MARCHF11: variants seen among roughly 807,000 people sequenced by gnomAD.
MARCHF11 encodes E3 ubiquitin-protein ligase MARCHF11.
Under a neutral mutation model 37.3 loss-of-function variants are expected in MARCHF11, and 29 were observed. The observed-to-expected ratio is 0.78, with a 90% CI of 0.58 to 1.06. The LOEUF (loss-of-function observed/expected upper bound fraction) is 1.06, where lower values mean the gene tolerates loss of function less well. Among genes scored for constraint, MARCHF11 ranks in the 50% least tolerant of loss-of-function variants. The probability of loss-of-function intolerance (pLI) is 0.00; values close to 1 mark genes in which losing one functional copy is unlikely to be tolerated. For missense variants in MARCHF11, 482 were observed against 533.4 expected, an observed-to-expected ratio of 0.90 and a Z score of 0.95; for synonymous variants, 233 against 228.0, an observed-to-expected ratio of 1.02 and a Z score of -0.20.
rs542987327 is a variant in MARCHF11, at chr5:16,123,569, C to T, written c.694-32488G>A. ...ATGGTTTTGAGATAGTCCTGTGTGG[C>T]CTTGTCACTGAACTCTTAAGAGTTT... On this transcript the variant is annotated intron_variant, in intron 2 of 3. Coordinates refer to ENST00000332432, the MANE Select transcript of MARCHF11 (RefSeq NM_001102562.3). 2.6e-5 allele frequency among the ~76,000 whole-genome samples: 4 copies of T among 152,214 alleles called. No homozygotes were observed. The East Asian group carries it at 7.7e-4, about 29-fold the overall frequency.
At chr5:16,068,310 C>A (rs1736382708) in intron 3 of MARCHF11, among the ~76,000 whole-genome samples, 1 of 152,170 alleles carries the variant, frequency 6.6e-6, no homozygotes, top group Non-Finnish European at 1.5e-5. Context: ...TTGTACTCTC[C>A]TCAACAATTC....
Position 16,122,937 on chromosome 5 carries a change from G to A in MARCHF11, c.694-31856C>T, listed in dbSNP as rs114150158. 4.5e-3 allele frequency among the ~76,000 whole-genome samples: 686 copies of A among 152,212 alleles called. 1 individual carries two copies. Among genetic ancestry groups the A allele is most frequent in the Non-Finnish European group, 6.9e-3 (472 of 68,010 alleles). Reference sequence around the variant, plus strand: ...GGCTGGATTATACTATGTTAGTTTCGCATGTATTGCCCAGACAAGTCTTTC... The same window carrying A: ...GGCTGGATTATACTATGTTAGTTTCACATGTATTGCCCAGACAAGTCTTTC... On this transcript the variant is annotated intron_variant, in intron 2 of 3. Coordinates refer to ENST00000332432, the MANE Select transcript of MARCHF11 (RefSeq NM_001102562.3).
At chr5:16,144,963 T>C (rs927122387) in intron 2 of MARCHF11, among the ~76,000 whole-genome samples, 10 of 152,170 alleles carry the variant, frequency 6.6e-5, no homozygotes, top group Admixed American at 2.0e-4. Flanking sequence ...GTGGAGTTTG[T>C]GGGAAAATCA....
intron 2 of MARCHF11, among the ~76,000 whole-genome samples, chr5:16,097,249 T>C (rs552939368): frequency 9.8e-5 from 15 of 152,346 alleles, no homozygotes; most frequent in African/African-American, 3.6e-4. Flanking sequence ...GACATGTAGA[T>C]AGAAAATTCA....
intron 2 of MARCHF11, among the ~76,000 whole-genome samples, chr5:16,159,870 AGATGGCTTG>A (rs1738042099): frequency 1.3e-5 from 2 of 151,980 alleles, no homozygotes; most frequent in African/African-American, 4.8e-5. Flanking sequence ...CCCTCCAGCA[AGATGGCTTG>A]CCATTAGTAA....
At chr5:16,070,365 C>T (rs570758801) in intron 3 of MARCHF11, among the ~76,000 whole-genome samples, 39 of 152,186 alleles carry the variant, frequency 2.6e-4, no homozygotes, top group African/African-American at 7.0e-4. Flanking sequence ...TCTTCTGGGA[C>T]GGTAACTCTA....
chr5:16,161,912 A>G (rs1013218567), intron 2 of MARCHF11, among the ~76,000 whole-genome samples: 1 of 152,036 alleles, frequency 6.6e-6, no homozygotes. Flanking sequence ...AAAATAATCC[A>G]TCTCAGAAAC....
At chr5:16,136,001 G>C (rs1396611669) in intron 2 of MARCHF11, among the ~76,000 whole-genome samples, 4 of 152,020 alleles carry the variant, frequency 2.6e-5, no homozygotes, top group Non-Finnish European at 4.4e-5. Context: ...AGGAATAAAG[G>C]CATTCTGAAA....
Position 16,090,922 on chromosome 5 carries a change from C to A in MARCHF11, c.853G>T (p.Gly285Ter). The A allele has an allele frequency of 6.2e-7, 1 of 1,609,830 alleles. No individual in the cohort carries two copies. Reference protein sequence around the residue: ...RKDILFQICYGMYGFMDLVCI... With the variant: ...RKDILFQICY The stretch of plus-strand genomic sequence containing the variant: ...ACTAGATCCATAAAACCATACATTC[C>A]ATAGCAGATCTGAAAAAGGATGTCC... Residue 285 changes from glycine to a stop codon, truncating the protein, a stop_gained, in exon 3 of 4, where the codon GGA becomes TGA. Transcript: ENST00000332432. LOFTEE classifies it high-confidence loss of function.
intron 2 of MARCHF11, among the ~76,000 whole-genome samples, chr5:16,142,785 A>G (rs1737733587): frequency 1.5e-5 from 2 of 136,302 alleles, no homozygotes. Context: ...TCCGACTCCC[A>G]GGTTCAAGCG....
chr5:16,101,578 G>C (rs1366947077), intron 2 of MARCHF11, among the ~76,000 whole-genome samples: 1 of 152,132 alleles, frequency 6.6e-6, no homozygotes, highest in Non-Finnish European at 1.5e-5. Flanking sequence ...GTCTGCATGT[G>C]ATGCATTTTT....
chr5:16,176,028 T>G (rs1360146716), intron 2 of MARCHF11, among the ~76,000 whole-genome samples: 3 of 152,216 alleles, frequency 2.0e-5, no homozygotes, highest in Non-Finnish European at 4.4e-5. Context: ...TATTGAATCT[T>G]TTTTAAATGA....
At position 16,067,640 on chromosome 5, in the gene MARCHF11, G is replaced by A; in HGVS notation, c.1040C>T (p.Pro347Leu). 1 of 1,613,940 alleles carries A rather than the reference G, an allele frequency of 6.2e-7. No individual in the cohort carries two copies. The highest frequency in any genetic ancestry group is 1.7e-5 in the Admixed American group (1 of 60,016). The change falls in exon 4 of 4, where the codon CCA becomes CTA. Residue 347 changes from proline to leucine, a missense_variant. By Grantham distance (98) the Pro-to-Leu change is moderately conservative. Coordinates refer to ENST00000332432, the MANE Select transcript of MARCHF11 (RefSeq NM_001102562.3). Reference protein sequence around the residue: ...ESSTSRTLWLPLTALRNRNLV... With the variant: ...ESSTSRTLWLLLTALRNRNLV... ...GTTTCTGTTCCGCAGAGCTGTCAAT[G>A]GCAACCACAAAGTCCTACTTGTGGA...
intron 2 of MARCHF11, among the ~76,000 whole-genome samples, chr5:16,093,333 C>A (rs541417995): frequency 2.1e-4 from 32 of 152,296 alleles, no homozygotes; most frequent in Admixed American, 4.6e-4. Flanking sequence ...TAGCTCAAAA[C>A]TGCATAATGA....
At chr5:16,129,873 C>T (rs114840359) in intron 2 of MARCHF11, among the ~76,000 whole-genome samples, 1,649 of 152,118 alleles carry the variant, frequency 0.011, 11 homozygotes, top group Non-Finnish European at 0.016. Context: ...AGATATGTTA[C>T]CAGAGCGAGG....
Position 16,177,775 on chromosome 5 carries a change from C to T in MARCHF11, c.644G>A (p.Cys215Tyr). 1 of 1,613,750 alleles carries T rather than the reference C, an allele frequency of 6.2e-7. No individual in the cohort carries two copies. The highest frequency in any genetic ancestry group is 8.5e-7 in the Non-Finnish European group (1 of 1,179,812). ...GGCTATAACATGGTATCTATAACAGCAAAGTTCACAGGTCCAGGAACCTCT... is the reference window on the plus strand; with the variant it reads ...GGCTATAACATGGTATCTATAACAGTAAAGTTCACAGGTCCAGGAACCTCT... ...SERGSWTCEL[C>Y]CYRYHVIAIK... Residue 215 changes from cysteine (C) to tyrosine (Y), a missense_variant, in exon 2 of 4, where the codon TGC becomes TAC. By Grantham distance (194) the Cys-to-Tyr change is radical. Coordinates refer to ENST00000332432, the MANE Select transcript of MARCHF11 (RefSeq NM_001102562.3).
In MARCHF11 at chr5:16,093,753, C is replaced by T. The variant is rs78156341; in HGVS notation, c.694-2672G>A. On this transcript the variant is annotated intron_variant, in intron 2 of 3. Coordinates refer to ENST00000332432, the MANE Select transcript of MARCHF11 (RefSeq NM_001102562.3). ...GAATGAATGTGTTTAAGATTATGTC[C>T]GGAGGCAAGGAAAAAAAGAACAACC... 4.9e-3 allele frequency among the ~76,000 whole-genome samples: 742 copies of T among 152,148 alleles called. 6 individuals are homozygous for T. Among genetic ancestry groups the T allele is most frequent in the African/African-American group, 0.017 (689 of 41,516 alleles).
chr5:16,135,915 A>C (rs1185019014), intron 2 of MARCHF11, among the ~76,000 whole-genome samples: 1 of 150,336 alleles, frequency 6.7e-6, no homozygotes, highest in Non-Finnish European at 1.5e-5. Context: ...AGGGAGGGAA[A>C]GAGAAAGAAA....
At position 16,179,646 on chromosome 5, in the gene MARCHF11, C is replaced by T; in HGVS notation, c.-71G>A. On this transcript the variant is annotated 5_prime_UTR_variant, in exon 1 of 4. Coordinates refer to ENST00000332432, the MANE Select transcript of MARCHF11 (RefSeq NM_001102562.3). ...GCTCTGGCTGCAGGGAAAGAGAGCG[C>T]GGAGGGGGCGGGAGGGAGAGGGGAA... 1 of 860,980 alleles carries T rather than the reference C, an allele frequency of 1.2e-6. No individual in the cohort carries two copies. Among genetic ancestry groups the T allele is most frequent in the Non-Finnish European group, 1.4e-6 (1 of 740,176 alleles). 53.3% of individuals were successfully genotyped at this position (860,980 alleles called of 1,614,324 possible).
Sources: allele counts gnomAD v4.1 joint callset (sites outside exome capture counted in the v4.1 genomes callset), GRCh38; gene constraint gnomAD v4.1.1; transcripts MANE v1.5; gene names NCBI Gene and HGNC (gene_info 2026-07-23, HGNC 2026-07-21).